Variants in BMX observed in about 807,000 individuals in gnomAD.
BMX encodes the protein cytoplasmic tyrosine-protein kinase BMX.
A neutral mutation model predicts 59.2 loss-of-function variants in BMX; 31 were observed. That is an observed-to-expected ratio of 0.52 (90% CI 0.39 to 0.71). The LOEUF (loss-of-function observed/expected upper bound fraction) is 0.71, where lower values mean the gene tolerates loss of function less well. Among genes scored for constraint, BMX ranks in the 30% least tolerant of loss-of-function variants. The pLI, the probability that BMX is intolerant of heterozygous loss-of-function variation, is 0.00. For synonymous variants in BMX, 185 were observed against 181.0 expected (o/e 1.02, Z -0.18); for missense variants, 474 against 491.7 (o/e 0.96, Z 0.34).
intron 18 of BMX, among the ~76,000 whole-genome samples, chrX:15,555,583 G>C (rs868822253): frequency 9.0e-5 from 10 of 111,113 alleles, no homozygotes; most frequent in African/African-American, 3.3e-4. Flanking sequence ...CCATTTTAGA[G>C]GGGCACACTT....
chrX:15,532,161 A>ATTG (rs745420603), intron 11 of BMX, among the ~76,000 whole-genome samples: 88 of 110,984 alleles, frequency 7.9e-4, no homozygotes, highest in African/African-American at 2.9e-3. Flanking sequence ...ACTTACTATT[A>ATTG]TTGTTGTTGT....
At chrX:15,513,850 G>C (rs1230915662) in intron 4 of BMX, among the ~76,000 whole-genome samples, 3 of 111,729 alleles carry the variant, frequency 2.7e-5, no homozygotes, top group African/African-American at 9.7e-5. Context: ...TTGTGAAGTT[G>C]AGCAATTGTA....
chrX:15,531,439 T>C, intron 11 of BMX, 32 bp downstream of exon 11: 1 of 1,074,380 alleles, frequency 9.3e-7, no homozygotes, highest in Non-Finnish European at 1.3e-6. Flanking sequence ...TTCTTTTCTC[T>C]TTCTGCGTAT....
intron 6 of BMX, among the ~76,000 whole-genome samples, chrX:15,520,056 A>G (rs769974072): frequency 6.7e-4 from 75 of 112,190 alleles, no homozygotes; most frequent in Non-Finnish European, 1.9e-4. Flanking sequence ...AGAGGCAAGG[A>G]AAGATTTTAT....
At chrX:15,551,775 A>T (rs1332202294) in intron 18 of BMX, among the ~76,000 whole-genome samples, 3 of 110,860 alleles carry the variant, frequency 2.7e-5, no homozygotes, top group Non-Finnish European at 5.7e-5. Flanking sequence ...AACAGTATAT[A>T]AGGTTTCCAC....
At chrX:15,542,985 T>C in intron 15 of BMX, 86 bp from the exon 16 acceptor site, 1 of 908,023 alleles carries the variant, frequency 1.1e-6, no homozygotes, top group South Asian at 2.3e-5. Context: ...TCTTAGATTT[T>C]GCTGAGAATT....
chrX:15,516,342 T>C (rs1924156086), intron 5 of BMX, 111 bp downstream of exon 5: 1 of 1,020,526 alleles, frequency 9.8e-7, no homozygotes, highest in East Asian at 3.1e-5. Context: ...GCCAGATTGG[T>C]TGGCATCATG....
intron 4 of BMX, among the ~76,000 whole-genome samples, chrX:15,512,483 T>C (rs1442550773): frequency 2.7e-5 from 3 of 111,783 alleles, no homozygotes; most frequent in Non-Finnish European, 5.6e-5. Context: ...TAATTTTTCC[T>C]TTGCATAAAA....
intron 5 of BMX, among the ~76,000 whole-genome samples, chrX:15,517,301 G>C (rs933506103): frequency 8.9e-6 from 1 of 112,068 alleles, no homozygotes; most frequent in Non-Finnish European, 1.9e-5. Context: ...TCGCTCCACT[G>C]TAAGGGACTG....
chrX:15,545,898 C>T (rs1193852796), intron 16 of BMX, among the ~76,000 whole-genome samples: 1 of 111,756 alleles, frequency 8.9e-6, no homozygotes, highest in Non-Finnish European at 1.9e-5. Flanking sequence ...TGGTGGGTAT[C>T]CTTTCAGACC....
chrX:15,542,968 T>C (rs1173231541), intron 15 of BMX, 103 bp from the exon 16 acceptor site: 2 of 763,337 alleles, frequency 2.6e-6, no homozygotes, highest in South Asian at 2.5e-5. Flanking sequence ...GGGGTTGTGC[T>C]AGGTAATCTT....
At position 15,508,441 on chromosome X, in the gene BMX, C is replaced by T. The variant is rs1203354355; in HGVS notation, c.88C>T (p.Leu30Phe). The change falls in exon 2 of 19, where the codon CTT becomes TTT. Residue 30 changes from leucine (L) to phenylalanine (F), a missense_variant. Coordinates refer to ENST00000348343, the MANE Select transcript of BMX (RefSeq NM_203281.3). ...GTCACCAAATAATTACAAAGAACGG[C>T]TTTTTGTTTTGACCAAAACAAACCT... ...KMSPNNYKERLFVLTKTNLSY... is the reference protein window; with the variant it reads ...KMSPNNYKERFFVLTKTNLSY... 8.4e-7 allele frequency: 1 copy of T among 1,189,849 alleles called. No homozygotes were observed. The highest frequency in any genetic ancestry group is 1.8e-5 in the African/African-American group (1 of 56,414).
chrX:15,517,922 T>C lies in BMX; in HGVS notation c.446-7T>C. On this transcript the variant is annotated splice_region_variant and splice_polypyrimidine_tract_variant and intron_variant, in intron 5 of 18. Coordinates refer to ENST00000348343, the MANE Select transcript of BMX (RefSeq NM_203281.3). Reference sequence around the variant, plus strand: ...TCCTTCTGATATTACTTTGTTTTAATGTTCAGATGCTAATCTGCATACTGC... The same window carrying C: ...TCCTTCTGATATTACTTTGTTTTAACGTTCAGATGCTAATCTGCATACTGC... 2 of 1,197,030 alleles carry C rather than the reference T, an allele frequency of 1.7e-6. No individual in the cohort carries two copies. The highest frequency in any genetic ancestry group is 1.7e-5 in the African/African-American group (1 of 57,475).
At chrX:15,527,248 ATAT>A (rs1924809424) in intron 9 of BMX, among the ~76,000 whole-genome samples, 2 of 5,032 alleles carry the variant, frequency 4.0e-4, no homozygotes, top group Non-Finnish European at 9.1e-4. Context: ...ACACACACAA[ATAT>A]ATATATATAT....
chrX:15,504,609 A>G (rs1262141451), intron 1 of BMX, among the ~76,000 whole-genome samples: 1 of 112,157 alleles, frequency 8.9e-6, no homozygotes, highest in African/African-American at 3.2e-5. Context: ...TGAACTTCTT[A>G]CTCTCATGAC....
chrX:15,555,193 G>A (rs1402892586), intron 18 of BMX, among the ~76,000 whole-genome samples: 6 of 96,858 alleles, frequency 6.2e-5, no homozygotes, highest in Non-Finnish European at 1.2e-4. Context: ...AGTCTAGAAC[G>A]AGGGAAGCTT....
intron 4 of BMX, among the ~76,000 whole-genome samples, chrX:15,513,912 T>G (rs910858414): frequency 8.9e-6 from 1 of 111,852 alleles, no homozygotes; most frequent in Non-Finnish European, 1.9e-5. Flanking sequence ...GTAATAACAA[T>G]AGCTACCCCT....
rs148840517 is a variant in BMX at position 15,519,131 on chromosome X, G to A, written c.510+1138G>A. Among the ~76,000 whole-genome samples, 6 of 111,772 alleles carry A rather than the reference G, an allele frequency of 5.4e-5. No homozygotes were observed. In the East Asian group the frequency reaches 1.7e-3, roughly 32 times the overall value. On this transcript the variant is annotated intron_variant, in intron 6 of 18. Transcript: ENST00000348343. ...TTTTAGGGTTCCCAGGCAGGTGTGA[G>A]CCTCCTCAAATGCCAGGATACACAA...
At chrX:15,537,348 G>A (rs756046771) in intron 14 of BMX, 43 bp downstream of exon 14, 9 of 1,195,928 alleles carry the variant, frequency 7.5e-6, no homozygotes, top group Middle Eastern at 2.4e-4. Context: ...CTCATCATGG[G>A]AGGGCATTAG....
Sources: allele counts gnomAD v4.1 joint callset (sites outside exome capture counted in the v4.1 genomes callset), GRCh38; gene constraint gnomAD v4.1.1; transcripts MANE v1.5; gene names NCBI Gene and HGNC (gene_info 2026-07-23, HGNC 2026-07-21).